Variants in SULT2A1 observed in about 807,000 individuals in gnomAD.
SULT2A1 encodes the protein sulfotransferase family 2A member 1.
In SULT2A1, 43 loss-of-function variants were observed where a neutral mutation model predicts 33.9. That is an observed-to-expected ratio of 1.27 (90% CI 1.00 to 1.64). The LOEUF is 1.64. Ranked by LOEUF, SULT2A1 falls within the 40% of genes most tolerant of loss-of-function variation. The probability of loss-of-function intolerance (pLI) is 0.00; values close to 1 mark genes in which losing one functional copy is unlikely to be tolerated. For synonymous variants in SULT2A1, 125 were observed against 113.6 expected (o/e 1.10, Z -0.64); for missense variants, 300 against 335.1 (o/e 0.90, Z 0.82).
intron 4 of SULT2A1, 31 bp downstream of exon 4, chr19:47,878,992 GGTGGTGAGAGGGT>G: frequency 8.5e-7 from 1 of 1,179,078 alleles, no homozygotes. Flanking sequence ...AAGTAAGGAT[GGTGGTGAGAGGGT>G]GTGCACTGAC....
intron 5 of SULT2A1, among the ~76,000 whole-genome samples, chr19:47,874,238 A>G (rs1211549856): frequency 6.6e-6 from 1 of 152,044 alleles, no homozygotes; most frequent in Non-Finnish European, 1.5e-5. Context: ...CTGGGCGATG[A>G]GCAATTAAAG....
chr19:47,878,178 C>A (rs1249481387), intron 4 of SULT2A1, among the ~76,000 whole-genome samples: 1 of 152,076 alleles, frequency 6.6e-6, no homozygotes, highest in Non-Finnish European at 1.5e-5. Context: ...GAATATGCTC[C>A]TTATTTTTAT....
At chr19:47,874,541 GAAAAAAAA>G in intron 5 of SULT2A1, 108 bp downstream of exon 5, 1 of 344,046 alleles carries the variant, frequency 2.9e-6, no homozygotes, top group Non-Finnish European at 4.7e-6. Flanking sequence ...CTTCATCTCG[GAAAAAAAA>G]AAAAAAAAAA....
chr19:47,883,811 T>C (rs1204502177), intron 1 of SULT2A1, 26 bp from the exon 2 acceptor site: 1 of 1,606,826 alleles, frequency 6.2e-7, no homozygotes, highest in Non-Finnish European at 8.5e-7. Flanking sequence ...AAAAAATATA[T>C]AAAATGTACC....
rs369293597 is a variant in SULT2A1, at chr19:47,883,788, G to C, written c.137-3C>G. The C allele has an allele frequency of 1.2e-6, 2 of 1,612,934 alleles. No individual in the cohort carries two copies. Among genetic ancestry groups the C allele is most frequent in the Non-Finnish European group, 1.7e-6 (2 of 1,179,434 alleles). ...AATCTCAGCCAACCAGTTTGTTCCT[G>C]GAAAAAGAAGGAAAAAAATATATAA... On this transcript the variant is annotated splice_region_variant and splice_polypyrimidine_tract_variant and intron_variant, in intron 1 of 5. Coordinates refer to ENST00000222002, the MANE Select transcript of SULT2A1 (RefSeq NM_003167.4).
chr19:47,872,398 C>T (rs1009021706), intron 5 of SULT2A1, among the ~76,000 whole-genome samples: 1 of 152,144 alleles, frequency 6.6e-6, no homozygotes, highest in African/African-American at 2.4e-5. Context: ...TCTCTGAGCT[C>T]ATCCCCTAAA....
At chr19:47,875,073 A>T (rs1005404821) in intron 4 of SULT2A1, among the ~76,000 whole-genome samples, 9 of 140,172 alleles carry the variant, frequency 6.4e-5, no homozygotes, top group Non-Finnish European at 1.4e-4. Context: ...GGGGGAGGAG[A>T]GTTGCTTGAA....
At chr19:47,877,601 G>C (rs996348495) in intron 4 of SULT2A1, among the ~76,000 whole-genome samples, 4 of 150,050 alleles carry the variant, frequency 2.7e-5, no homozygotes, top group African/African-American at 9.8e-5. Flanking sequence ...CCAGCCTAGA[G>C]TGCAGTGGTG....
At chr19:47,871,791 G>A (rs1968494964) in intron 5 of SULT2A1, among the ~76,000 whole-genome samples, 1 of 152,058 alleles carries the variant, frequency 6.6e-6, no homozygotes, top group Non-Finnish European at 1.5e-5. Flanking sequence ...AATAACGCCA[G>A]TATATCATCT....
intron 1 of SULT2A1, 23 bp downstream of exon 1, chr19:47,886,099 A>C: frequency 1.2e-6 from 2 of 1,610,722 alleles, no homozygotes; most frequent in Non-Finnish European, 1.7e-6. Context: ...AGCCTTTCTC[A>C]GTTCACGATT....
chr19:47,882,349 G>T, intron 2 of SULT2A1, 139 bp from the exon 3 acceptor site: 2 of 1,046,262 alleles, frequency 1.9e-6, no homozygotes, highest in Non-Finnish European at 2.7e-6. Context: ...ATTACTTACT[G>T]CACTCACTAA....
chr19:47,886,147 T>C lies in SULT2A1; in HGVS notation c.111A>G (p.Val37=), dbSNP rs1463399046. Residue 37 remains valine, a synonymous_variant, in exon 1 of 6, where the codon GTA becomes GTG. Coordinates refer to ENST00000222002, the MANE Select transcript of SULT2A1 (RefSeq NM_003167.4). ...CTGATTTGGGGTAAGTCAATATTATTACATCTTCATCCCTTATCACGAACT... is the reference window on the plus strand; with the variant it reads ...CTGATTTGGGGTAAGTCAATATTATCACATCTTCATCCCTTATCACGAACT... ...RDEFVIRDED[V]IILTYPKSGT... 1 of 1,614,008 alleles carries C rather than the reference T, an allele frequency of 6.2e-7. No homozygotes were observed. Among genetic ancestry groups the C allele is most frequent in the African/African-American group, 1.3e-5 (1 of 74,932 alleles).
intron 4 of SULT2A1, 71 bp downstream of exon 4, chr19:47,878,965 T>G: frequency 1.0e-6 from 1 of 959,350 alleles, no homozygotes; most frequent in Non-Finnish European, 1.7e-6. Context: ...CACAGCGGGA[T>G]GGAGGGAATT....
chr19:47,881,717 G>C (rs1348670817), intron 3 of SULT2A1, among the ~76,000 whole-genome samples: 1 of 152,078 alleles, frequency 6.6e-6, no homozygotes, highest in Non-Finnish European at 1.5e-5. Flanking sequence ...TATTAAGAGG[G>C]TTTTGGAAAG....
chr19:47,881,721 T>G (rs1281939068), intron 3 of SULT2A1, among the ~76,000 whole-genome samples: 1 of 152,092 alleles, frequency 6.6e-6, no homozygotes, highest in Non-Finnish European at 1.5e-5. Flanking sequence ...AAGAGGGTTT[T>G]GGAAAGAGGC....
rs2547238 is a variant in SULT2A1 at position 47,879,223 on chromosome 19, G to C, written c.473-93C>G. ...TTCATCCCCCCACCGGCTTGTTAAC[G>C]TATGATTGACAAATAAAACTTGAAT... On this transcript the variant is annotated intron_variant, in intron 3 of 5. Transcript: ENST00000222002. 0.28 allele frequency: 217,008 copies of C among 761,944 alleles called. 33,789 individuals carry two copies. The highest frequency in any genetic ancestry group is 0.47 in the East Asian group (18,863 of 40,354). The allele number at this position is 761,944 out of a possible 1,614,324, so 47.2% of individuals were successfully genotyped here.
At chr19:47,877,117 G>T (rs1430789239) in intron 4 of SULT2A1, among the ~76,000 whole-genome samples, 1 of 150,920 alleles carries the variant, frequency 6.6e-6, no homozygotes, top group Non-Finnish European at 1.5e-5. Flanking sequence ...CAGACCATAG[G>T]CCATAGAGGA....
intron 5 of SULT2A1, among the ~76,000 whole-genome samples, chr19:47,873,360 G>A (rs1251061461): frequency 6.6e-6 from 1 of 151,088 alleles, no homozygotes; most frequent in African/African-American, 2.4e-5. Context: ...TAGTAGAGAT[G>A]GGCTTTCTCC....
At chr19:47,881,962 G>A in intron 3 of SULT2A1, 122 bp downstream of exon 3, 1 of 1,317,658 alleles carries the variant, frequency 7.6e-7, no homozygotes, top group South Asian at 1.3e-5. Flanking sequence ...AGCAGGTTTG[G>A]CCTCCAGGGG....
Sources: allele counts gnomAD v4.1 joint callset (sites outside exome capture counted in the v4.1 genomes callset), GRCh38; gene constraint gnomAD v4.1.1; transcripts MANE v1.5; gene names NCBI Gene and HGNC (gene_info 2026-07-23, HGNC 2026-07-21).